Variants in ADGB observed in about 807,000 individuals in gnomAD.
The protein encoded by ADGB is androglobin, also known as calpain-7-like protein.
A neutral mutation model predicts 210.5 loss-of-function variants in ADGB; 172 were observed. The observed-to-expected ratio is 0.82, with a 90% CI of 0.72 to 0.93. ADGB has a LOEUF of 0.93. Ranked by LOEUF, ADGB falls within the 40% of genes least tolerant of loss-of-function variation. The pLI is 0.00. For missense variants in ADGB, 2,025 were observed against 1,964.8 expected (o/e 1.03, Z -0.58); for synonymous variants, 658 against 662.7 (o/e 0.99, Z 0.11).
chr6:146,671,250 A>G (rs1583583173), intron 7 of ADGB, among the ~76,000 whole-genome samples: 2 of 152,308 alleles, frequency 1.3e-5, no homozygotes, highest in East Asian at 3.9e-4. Context: ...AGAGCCTTAG[A>G]ACAGCAAATG....
At chr6:146,633,766 T>G (rs1781098518) in intron 1 of ADGB, among the ~76,000 whole-genome samples, 1 of 152,070 alleles carries the variant, frequency 6.6e-6, no homozygotes, top group South Asian at 2.1e-4. Flanking sequence ...CCTTTAGGAG[T>G]TTCATGTTTG....
chr6:146,738,145 A>G (rs1207647212), intron 23 of ADGB, among the ~76,000 whole-genome samples: 1 of 152,236 alleles, frequency 6.6e-6, no homozygotes, highest in Non-Finnish European at 1.5e-5. Flanking sequence ...TATATGTAGC[A>G]TAGGGATATC....
Position 146,721,172 on chromosome 6 carries a change from T to C in ADGB, c.1993-231T>C, listed in dbSNP as rs550895857. On this transcript the variant is annotated intron_variant, in intron 16 of 35. Transcript: ENST00000397944. ...AGGAGAGCTCTGCCTCTCTCTGATA[T>C]GGTGGCTAGTCTAACACAGCTGCTG... 9.8e-5 allele frequency among the ~76,000 whole-genome samples: 15 copies of C among 152,314 alleles called. No homozygotes were observed. In the South Asian group the frequency reaches 2.5e-3, roughly 25 times the overall value.
chr6:146,809,420 G>A (rs1778267451), intron 35 of ADGB, among the ~76,000 whole-genome samples: 1 of 152,104 alleles, frequency 6.6e-6, no homozygotes, highest in Non-Finnish European at 1.5e-5. Flanking sequence ...CGACCAGGCT[G>A]GTCTTGAACT....
At chr6:146,700,447 C>T (rs377364027) in intron 12 of ADGB, among the ~76,000 whole-genome samples, 4 of 152,106 alleles carry the variant, frequency 2.6e-5, no homozygotes, top group East Asian at 1.9e-4. Context: ...AATGTCTTTA[C>T]GTACCTATAA....
intron 35 of ADGB, chr6:146,807,562 A>G: frequency 6.5e-7 from 1 of 1,538,252 alleles, no homozygotes; most frequent in South Asian, 1.2e-5. Context: ...GACACACAGA[A>G]AAAAAAGAAA....
At chr6:146,711,180 C>T (rs75873681) in intron 13 of ADGB, among the ~76,000 whole-genome samples, 6,910 of 152,230 alleles carry the variant, frequency 0.045, 184 homozygotes, top group South Asian at 0.064. Context: ...ACTGCTGAAG[C>T]AAATATGATA....
intron 29 of ADGB, among the ~76,000 whole-genome samples, chr6:146,779,485 G>A (rs1439654046): frequency 6.6e-6 from 1 of 152,082 alleles, no homozygotes; most frequent in Non-Finnish European, 1.5e-5. Flanking sequence ...AACTCCACAT[G>A]GGAAAAATTC....
At chr6:146,632,975 T>C (rs1781085201) in intron 1 of ADGB, among the ~76,000 whole-genome samples, 1 of 152,136 alleles carries the variant, frequency 6.6e-6, no homozygotes, top group Non-Finnish European at 1.5e-5. Flanking sequence ...AGACTTTAAA[T>C]ACCACCTAGA....
intron 35 of ADGB, among the ~76,000 whole-genome samples, chr6:146,808,683 T>A (rs1778250763): frequency 1.3e-5 from 2 of 152,206 alleles, no homozygotes; most frequent in Admixed American, 6.5e-5. Flanking sequence ...CTACTGTTAA[T>A]CTTTGTTATT....
chr6:146,601,625 C>T (rs1443574733), intron 1 of ADGB, among the ~76,000 whole-genome samples: 1 of 152,098 alleles, frequency 6.6e-6, no homozygotes, highest in Non-Finnish European at 1.5e-5. Context: ...TTTACCACAC[C>T]TTGTGTTTAC....
chr6:146,693,160 A>T (rs1465753112), intron 12 of ADGB, among the ~76,000 whole-genome samples: 1 of 152,184 alleles, frequency 6.6e-6, no homozygotes, highest in African/African-American at 2.4e-5. Flanking sequence ...GAATGTTTGT[A>T]TGCCCACCAA....
intron 26 of ADGB, among the ~76,000 whole-genome samples, chr6:146,750,464 G>A (rs79650028): frequency 0.012 from 1,798 of 151,952 alleles, 25 homozygotes; most frequent in African/African-American, 0.04. Flanking sequence ...AGTCTGACGC[G>A]GAAATATCAC....
At chr6:146,622,060 T>A (rs1780902247) in intron 1 of ADGB, among the ~76,000 whole-genome samples, 1 of 152,194 alleles carries the variant, frequency 6.6e-6, no homozygotes, top group Non-Finnish European at 1.5e-5. Context: ...ACATGGTTTA[T>A]CTTTTTAATT....
At chr6:146,803,594 C>T in intron 35 of ADGB, 1 of 1,372,454 alleles carries the variant, frequency 7.3e-7, no homozygotes, top group Non-Finnish European at 1.0e-6. Flanking sequence ...TTCTTAACCT[C>T]CTTCATGTTC....
chr6:146,689,241 C>T (rs750201865), intron 10 of ADGB, among the ~76,000 whole-genome samples: 2 of 152,142 alleles, frequency 1.3e-5, no homozygotes, highest in Admixed American at 6.6e-5. Flanking sequence ...GTTTCAGGCA[C>T]TATTGTAAAT....
At chr6:146,649,327 G>T (rs1323642945) in intron 3 of ADGB, among the ~76,000 whole-genome samples, 1 of 151,766 alleles carries the variant, frequency 6.6e-6, no homozygotes, top group Non-Finnish European at 1.5e-5. Context: ...TTAAAAAAAA[G>T]TCACACAAAG....
intron 7 of ADGB, among the ~76,000 whole-genome samples, chr6:146,668,614 A>C (rs1238421866): frequency 2.6e-5 from 4 of 152,104 alleles, no homozygotes; most frequent in Non-Finnish European, 5.9e-5. Context: ...ATGGAGCTCT[A>C]TAAATTTTTA....
intron 20 of ADGB, among the ~76,000 whole-genome samples, chr6:146,732,201 A>G (rs1387944981): frequency 6.6e-6 from 1 of 152,214 alleles, no homozygotes; most frequent in Non-Finnish European, 1.5e-5. Flanking sequence ...TCCCATGTTT[A>G]TAAACCAGAT....
Sources: allele counts gnomAD v4.1 joint callset (sites outside exome capture counted in the v4.1 genomes callset), GRCh38; gene constraint gnomAD v4.1.1; transcripts MANE v1.5; gene names NCBI Gene and HGNC (gene_info 2026-07-23, HGNC 2026-07-21).